ASB17: variants seen among roughly 807,000 people sequenced by gnomAD.
ASB17 encodes the protein ankyrin repeat and SOCS box containing 17.
Under a neutral mutation model 25.7 loss-of-function variants are expected in ASB17, and 26 were observed. The observed-to-expected ratio is 1.01, with a 90% CI of 0.74 to 1.40. ASB17 has a LOEUF of 1.40. ASB17 is among the 40% of genes most tolerant of loss of function. ASB17 has a pLI of 0.00. For missense variants in ASB17, 326 were observed against 338.5 expected (o/e 0.96, Z 0.29); for synonymous variants, 128 against 121.4 (o/e 1.05, Z -0.36).
intron 2 of ASB17, 24 bp from the exon 3 acceptor site, chr1:75,919,182 C>T (rs1399923812): frequency 6.5e-7 from 1 of 1,544,776 alleles, no homozygotes; most frequent in Non-Finnish European, 8.9e-7. Flanking sequence ...AAATATTTTA[C>T]TTTTGTAATG....
intron 1 of ASB17, 122 bp from the exon 2 acceptor site, chr1:75,922,481 TATG>T: frequency 5.6e-6 from 3 of 538,908 alleles, no homozygotes; most frequent in Non-Finnish European, 8.4e-6. Flanking sequence ...TGTAACTTTA[TATG>T]TTTCTTTTTT....
chr1:75,930,411 G>A (rs1311480293), intron 1 of ASB17, among the ~76,000 whole-genome samples: 1 of 149,286 alleles, frequency 6.7e-6, no homozygotes, highest in Non-Finnish European at 1.5e-5. Context: ...CAAGGCAAAG[G>A]AACGGTTTAC....
intron 1 of ASB17, among the ~76,000 whole-genome samples, chr1:75,925,404 A>G (rs1040419479): frequency 6.3e-4 from 96 of 152,142 alleles, no homozygotes; most frequent in African/African-American, 2.2e-3. Flanking sequence ...TGTTGATTCT[A>G]AGATATTAAG....
At chr1:75,922,797 A>C (rs1458836737) in intron 1 of ASB17, among the ~76,000 whole-genome samples, 1 of 152,156 alleles carries the variant, frequency 6.6e-6, no homozygotes. Flanking sequence ...CACCCAGCCT[A>C]TATATTTCTT....
Position 75,922,094 on chromosome 1 carries a change from C to T in ASB17, c.667G>A (p.Val223Ile). The T allele has an allele frequency of 6.2e-7, 1 of 1,604,640 alleles. No homozygotes were observed. Among genetic ancestry groups the T allele is most frequent in the South Asian group, 1.1e-5 (1 of 89,482 alleles). The change falls in exon 2 of 3, where the codon GTC becomes ATC. Residue 223 changes from valine to isoleucine, a missense_variant. Transcript: ENST00000284142. ...LCSRVLSVIS[V>I]KEIKTQLSLG... is the part of the protein sequence containing the mutation. The stretch of plus-strand genomic sequence containing the variant: ...AGTTTTCTTACCTTTATTTCCTTGA[C>T]TGAAATGACAGAAAGCACTCTGGAA...
At chr1:75,927,643 C>T (rs994540674) in intron 1 of ASB17, among the ~76,000 whole-genome samples, 3 of 152,116 alleles carry the variant, frequency 2.0e-5, no homozygotes, top group Non-Finnish European at 4.4e-5. Context: ...GGGACCTTCT[C>T]TAACCACCCC....
At chr1:75,929,405 G>A (rs1331430020) in intron 1 of ASB17, among the ~76,000 whole-genome samples, 1 of 137,526 alleles carries the variant, frequency 7.3e-6, no homozygotes, top group Non-Finnish European at 1.6e-5. Context: ...TTTTTTTTTT[G>A]TATTTTTAGT....
At position 75,922,342 on chromosome 1, in the gene ASB17, T is replaced by C; in HGVS notation, c.419A>G (p.Tyr140Cys). Residue 140 changes from tyrosine (Y) to cysteine (C), a missense_variant, in exon 2 of 3, where the codon TAC (tyrosine) becomes TGC (cysteine). Tyr to Cys is a radical substitution (Grantham distance 194). Coordinates refer to ENST00000284142, the MANE Select transcript of ASB17 (RefSeq NM_080868.3). ...GATGCCACTTAATGGGCTTGGACAG[T>C]ATACTGGTGTGAAAGTTCTGTGAAT... ...ALIWRTFTPV[Y>C]CPSPLSGITP... is the part of the protein sequence containing the mutation. 6.3e-7 allele frequency: 1 copy of C among 1,592,584 alleles called. No homozygotes were observed. The highest frequency in any genetic ancestry group is 8.5e-7 in the Non-Finnish European group (1 of 1,169,962).
intron 2 of ASB17, among the ~76,000 whole-genome samples, chr1:75,920,983 C>G (rs546167955): frequency 6.6e-6 from 1 of 152,138 alleles, no homozygotes; most frequent in Non-Finnish European, 1.5e-5. Context: ...ACCTTGTTAG[C>G]CAGGATGGTC....
In ASB17 at chr1:75,922,169, G is replaced by A. The variant is rs776064305; in HGVS notation, c.592C>T (p.Arg198Cys). 18 of 1,613,440 alleles carry A rather than the reference G, an allele frequency of 1.1e-5. No homozygotes were observed. The highest frequency in any genetic ancestry group is 1.3e-5 in the African/African-American group (1 of 74,854). ...YPSRVRVMVD[R>C]ELADIHEDAK... is the part of the protein sequence containing the mutation. ...TCTTCATGGATGTCAGCCAATTCAC[G>A]ATCAACCATTACTCTTACTCTCGAA... Residue 198 changes from arginine to cysteine, a missense_variant, in exon 2 of 3, where the codon CGT (arginine) becomes TGT (cysteine). Coordinates refer to ENST00000284142, the MANE Select transcript of ASB17 (RefSeq NM_080868.3).
At chr1:75,920,217 G>A (rs1050312293) in intron 2 of ASB17, among the ~76,000 whole-genome samples, 2 of 152,164 alleles carry the variant, frequency 1.3e-5, no homozygotes, top group Non-Finnish European at 2.9e-5. Context: ...ATGAAAAGAT[G>A]TCTTTTAAAG....
chr1:75,921,301 A>C (rs766381714), intron 2 of ASB17, among the ~76,000 whole-genome samples: 1 of 152,184 alleles, frequency 6.6e-6, no homozygotes, highest in Non-Finnish European at 1.5e-5. Flanking sequence ...CTGCTGAGGC[A>C]CTGAAGAAAA....
At chr1:75,928,118 C>A (rs750090101) in intron 1 of ASB17, among the ~76,000 whole-genome samples, 11 of 152,126 alleles carry the variant, frequency 7.2e-5, no homozygotes, top group African/African-American at 2.7e-4. Context: ...TTCTATTGAG[C>A]CTTCTCAGAT....
chr1:75,929,972 A>AG (rs576972632), intron 1 of ASB17, among the ~76,000 whole-genome samples: 1,502 of 124,622 alleles, frequency 0.012, 11 homozygotes, highest in Non-Finnish European at 0.018. Context: ...GTTGGCAGAG[A>AG]GGGGGGGTGA....
chr1:75,924,896 C>G (rs915867135), intron 1 of ASB17, among the ~76,000 whole-genome samples: 2 of 151,946 alleles, frequency 1.3e-5, no homozygotes, highest in African/African-American at 4.8e-5. Flanking sequence ...TTTGATTACC[C>G]TGATATATCT....
intron 1 of ASB17, among the ~76,000 whole-genome samples, chr1:75,930,384 A>G (rs536989929): frequency 6.7e-5 from 10 of 148,612 alleles, no homozygotes; most frequent in Admixed American, 5.4e-4. Flanking sequence ...ATATAACACT[A>G]GGAAAAACAA....
intron 1 of ASB17, among the ~76,000 whole-genome samples, chr1:75,929,999 G>A (rs1191177685): frequency 6.6e-6 from 1 of 151,908 alleles, no homozygotes; most frequent in Non-Finnish European, 1.5e-5. Context: ...TCAGTATTCC[G>A]CTTTGTTTCT....
intron 2 of ASB17, among the ~76,000 whole-genome samples, chr1:75,921,038 T>G (rs1653013555): frequency 6.6e-6 from 1 of 152,148 alleles, no homozygotes; most frequent in Non-Finnish European, 1.5e-5. Flanking sequence ...CCTCCCAAAG[T>G]GCTGGGATTA....
At chr1:75,929,973 G>A (rs1196350170) in intron 1 of ASB17, among the ~76,000 whole-genome samples, 5 of 145,566 alleles carry the variant, frequency 3.4e-5, no homozygotes, top group African/African-American at 5.0e-5. Flanking sequence ...TTGGCAGAGA[G>A]GGGGGGTGAG....
Sources: allele counts gnomAD v4.1 joint callset (sites outside exome capture counted in the v4.1 genomes callset), GRCh38; gene constraint gnomAD v4.1.1; transcripts MANE v1.5; gene names NCBI Gene and HGNC (gene_info 2026-07-23, HGNC 2026-07-21).